Variants in XKR9 observed in about 807,000 individuals in gnomAD.
XKR9 encodes XK related 9, also known as XK-related protein 9.
XKR9 carries 32 observed loss-of-function variants against 32.0 expected under a neutral mutation model. The observed-to-expected ratio is 1.00, with a 90% CI of 0.76 to 1.34. The LOEUF (loss-of-function observed/expected upper bound fraction) is 1.34, where lower values mean the gene tolerates loss of function less well. XKR9 is among the 40% of genes most tolerant of loss of function. The probability of loss-of-function intolerance (pLI) is 0.00; values close to 1 mark genes in which losing one functional copy is unlikely to be tolerated. For synonymous variants in XKR9, 168 were observed against 143.4 expected (o/e 1.17, Z -1.22); for missense variants, 546 against 429.7 (o/e 1.27, Z -2.39).
the XKR9 span, among the ~76,000 whole-genome samples, chr8:70,999,117 G>A: frequency 6.6e-6 from 1 of 151,876 alleles, no homozygotes; most frequent in African/African-American, 2.4e-5. Flanking sequence ...AAATGTTAGT[G>A]GGAACACATG....
the XKR9 span, among the ~76,000 whole-genome samples, chr8:71,028,783 A>G: frequency 1.1e-4 from 16 of 152,296 alleles, no homozygotes; most frequent in Admixed American, 7.9e-4. Context: ...TAAAGGCAAG[A>G]CATCTAAGAA....
At chr8:70,819,022 C>G in the XKR9 span, among the ~76,000 whole-genome samples, 4 of 152,154 alleles carry the variant, frequency 2.6e-5, no homozygotes, top group Admixed American at 2.6e-4. Context: ...AAGGTGCAGT[C>G]AAAGCTGGTT....
chr8:70,675,030 C>G (rs1818837027), intron 2 of XKR9, 131 bp downstream of exon 2: 1 of 152,190 alleles, frequency 6.6e-6, no homozygotes. Flanking sequence ...GGCTCGCAGC[C>G]AGGTAGCCAC....
the XKR9 span, among the ~76,000 whole-genome samples, chr8:71,058,513 C>T: frequency 2.6e-5 from 4 of 152,188 alleles, no homozygotes; most frequent in African/African-American, 9.7e-5. Context: ...TCTGATTTTT[C>T]ATCAATTGAC....
At chr8:70,769,512 G>A (rs1807424123) in intron 2 of XKR9, among the ~76,000 whole-genome samples, 1 of 152,024 alleles carries the variant, frequency 6.6e-6, no homozygotes, top group Admixed American at 6.6e-5. Context: ...AGTTCTCCTG[G>A]ATAATATCCT....
the XKR9 span, among the ~76,000 whole-genome samples, chr8:71,013,506 A>G: frequency 3.2e-4 from 48 of 152,306 alleles, no homozygotes; most frequent in Middle Eastern, 3.4e-3. Context: ...GAACCTTCAG[A>G]GTTTCCACAA....
At chr8:70,934,564 G>T in the XKR9 span, among the ~76,000 whole-genome samples, 2 of 152,070 alleles carry the variant, frequency 1.3e-5, no homozygotes, top group South Asian at 2.1e-4. Context: ...CCACTTAAAA[G>T]AAGATAAAAT....
At chr8:70,768,936 T>G (rs955737336) in intron 2 of XKR9, among the ~76,000 whole-genome samples, 5 of 152,168 alleles carry the variant, frequency 3.3e-5, no homozygotes, top group African/African-American at 1.2e-4. Context: ...ACATTTAAGG[T>G]TAATATTGTT....
the XKR9 span, among the ~76,000 whole-genome samples, chr8:71,044,408 G>T: frequency 6.6e-6 from 1 of 152,180 alleles, no homozygotes; most frequent in Non-Finnish European, 1.5e-5. Context: ...GCAATTGGAA[G>T]ATGCTGGGAA....
At chr8:70,970,755 G>T in the XKR9 span, among the ~76,000 whole-genome samples, 1 of 152,162 alleles carries the variant, frequency 6.6e-6, no homozygotes, top group Non-Finnish European at 1.5e-5. Context: ...TTGCTATTGT[G>T]AATAGTTAAC....
the XKR9 span, among the ~76,000 whole-genome samples, chr8:70,950,967 C>T: frequency 6.6e-6 from 1 of 152,202 alleles, no homozygotes; most frequent in Non-Finnish European, 1.5e-5. Flanking sequence ...AGCCACCGCA[C>T]CTGGCCTTCC....
intron 3 of XKR9, among the ~76,000 whole-genome samples, chr8:70,705,595 G>A (rs1421740121): frequency 6.6e-6 from 1 of 152,118 alleles, no homozygotes; most frequent in African/African-American, 2.4e-5. Flanking sequence ...TACTGGAAGT[G>A]GGAGAGAAAT....
At chr8:70,747,447 A>G (rs754051755) in intron 2 of XKR9, among the ~76,000 whole-genome samples, 1 of 152,186 alleles carries the variant, frequency 6.6e-6, no homozygotes, top group Non-Finnish European at 1.5e-5. Context: ...TGGGAGTGGT[A>G]CTGGTGGCTT....
At chr8:71,047,381 G>A in the XKR9 span, among the ~76,000 whole-genome samples, 3 of 152,166 alleles carry the variant, frequency 2.0e-5, no homozygotes, top group African/African-American at 7.2e-5. Context: ...AGAGTAAAGG[G>A]TTCATCAAAT....
At chr8:70,871,232 G>C in the XKR9 span, among the ~76,000 whole-genome samples, 1 of 152,174 alleles carries the variant, frequency 6.6e-6, no homozygotes, top group South Asian at 2.1e-4. Context: ...TTCACCTACT[G>C]AGCTAGGTGA....
intron 2 of XKR9, among the ~76,000 whole-genome samples, chr8:70,783,798 G>A (rs1233215507): frequency 2.0e-5 from 3 of 152,008 alleles, no homozygotes; most frequent in African/African-American, 4.8e-5. Flanking sequence ...ATGTTTTATA[G>A]TTTTTCTCCT....
chr8:70,789,198 G>A (rs1247382289), intron 2 of XKR9: 1 of 151,926 alleles, frequency 6.6e-6, no homozygotes, highest in African/African-American at 2.4e-5. Context: ...ACTGTGTATA[G>A]TAAGTATAAG....
the XKR9 span, among the ~76,000 whole-genome samples, chr8:70,840,796 C>T: frequency 6.6e-6 from 1 of 152,104 alleles, no homozygotes; most frequent in Non-Finnish European, 1.5e-5. Flanking sequence ...ACAATGTTTA[C>T]TACAATATCT....
downstream of XKR9, among the ~76,000 whole-genome samples, chr8:70,739,399 G>A (rs1307181608): frequency 1.3e-5 from 2 of 152,192 alleles, no homozygotes; most frequent in Non-Finnish European, 2.9e-5. Flanking sequence ...ACAGCACACT[G>A]ATGGGTCTTG....
Sources: gnomAD v4.1 joint callset for allele counts (sites outside exome capture counted in the v4.1 genomes callset) on GRCh38, gnomAD v4.1.1 for gene constraint, MANE v1.5 for transcripts, NCBI Gene and HGNC (gene_info 2026-07-23, HGNC 2026-07-21) for gene names.